Variants in OXR1 observed in about 807,000 individuals in gnomAD.
The protein encoded by OXR1 is oxidation resistance 1.
A neutral mutation model predicts 104.6 loss-of-function variants in OXR1; 41 were observed. That is an observed-to-expected ratio of 0.39 (90% CI 0.31 to 0.51). The LOEUF is 0.51. Among genes scored for constraint, OXR1 ranks in the 20% least tolerant of loss-of-function variants. The pLI, the probability that OXR1 is intolerant of heterozygous loss-of-function variation, is 0.77. For missense variants in OXR1, 955 were observed against 1,031.9 expected (o/e 0.93, Z 1.02); for synonymous variants, 348 against 348.4 (o/e 1.00, Z 0.01).
At chr8:106,540,347 G>C (rs1425658757) in intron 3 of OXR1, among the ~76,000 whole-genome samples, 1 of 152,004 alleles carries the variant, frequency 6.6e-6, no homozygotes, top group Admixed American at 6.6e-5. Context: ...ATGTTAAAAA[G>C]GACTATATGA....
chr8:106,285,562 G>T (rs1213029765), intron 1 of OXR1, among the ~76,000 whole-genome samples: 8 of 151,934 alleles, frequency 5.3e-5, no homozygotes, highest in Non-Finnish European at 1.2e-4. Context: ...GTGAAGCAAA[G>T]ACAGCTTGTG....
chr8:106,356,446 G>A (rs953947252), intron 1 of OXR1, among the ~76,000 whole-genome samples: 1 of 152,110 alleles, frequency 6.6e-6, no homozygotes, highest in Non-Finnish European at 1.5e-5. Context: ...ATACTAAATT[G>A]TACCATGTAC....
intron 3 of OXR1, among the ~76,000 whole-genome samples, chr8:106,677,525 T>C (rs1219861302): frequency 6.6e-6 from 1 of 152,142 alleles, no homozygotes; most frequent in Non-Finnish European, 1.5e-5. Context: ...TTTGAGTTTT[T>C]ACCAACCCGA....
intron 11 of OXR1, among the ~76,000 whole-genome samples, chr8:106,734,600 A>G (rs1471346867): frequency 6.6e-6 from 1 of 152,182 alleles, no homozygotes; most frequent in Non-Finnish European, 1.5e-5. Context: ...ATTGTTCTTT[A>G]TATCTAAGAG....
chr8:106,689,354 A>C (rs1267928057), intron 6 of OXR1, among the ~76,000 whole-genome samples: 1 of 152,082 alleles, frequency 6.6e-6, no homozygotes, highest in African/African-American at 2.4e-5. Context: ...TAAGGAAAAC[A>C]GTCAGATTAA....
chr8:106,525,772 A>C (rs1032254697), intron 3 of OXR1, among the ~76,000 whole-genome samples: 1 of 152,200 alleles, frequency 6.6e-6, no homozygotes, highest in Non-Finnish European at 1.5e-5. Context: ...GGGAATTGAC[A>C]GTCTATTTGT....
At chr8:106,525,321 G>T (rs1459212389) in intron 3 of OXR1, among the ~76,000 whole-genome samples, 1 of 152,172 alleles carries the variant, frequency 6.6e-6, no homozygotes, top group Non-Finnish European at 1.5e-5. Context: ...GTCCAGAGAG[G>T]TTAGGAGATT....
chr8:106,559,598 C>A (rs574834733), intron 3 of OXR1, among the ~76,000 whole-genome samples: 1 of 152,234 alleles, frequency 6.6e-6, no homozygotes, highest in Non-Finnish European at 1.5e-5. Flanking sequence ...GACTATAAGA[C>A]AAATTTATTT....
At chr8:106,313,565 C>G (rs970785274) in intron 1 of OXR1, among the ~76,000 whole-genome samples, 3 of 152,062 alleles carry the variant, frequency 2.0e-5, no homozygotes, top group African/African-American at 7.3e-5. Context: ...TTAATAAGCA[C>G]AGCAATTCAT....
At chr8:106,331,606 G>C (rs1318048764) in intron 1 of OXR1, among the ~76,000 whole-genome samples, 1 of 152,034 alleles carries the variant, frequency 6.6e-6, no homozygotes, top group Non-Finnish European at 1.5e-5. Context: ...TTTATTCTTT[G>C]TAATGGTAAA....
chr8:106,322,017 A>G (rs1814242486), intron 1 of OXR1, among the ~76,000 whole-genome samples: 1 of 152,220 alleles, frequency 6.6e-6, no homozygotes, highest in Non-Finnish European at 1.5e-5. Context: ...ATGCAGAGGA[A>G]AAAACTAAAG....
intron 3 of OXR1, among the ~76,000 whole-genome samples, chr8:106,622,278 A>G (rs2130850424): frequency 6.6e-6 from 1 of 152,150 alleles, no homozygotes; most frequent in African/African-American, 2.4e-5. Flanking sequence ...GCACTGTGCA[A>G]GAGACTCCCA....
intron 11 of OXR1, among the ~76,000 whole-genome samples, chr8:106,721,778 T>C (rs148484477): frequency 5.9e-5 from 9 of 152,342 alleles, no homozygotes; most frequent in African/African-American, 1.7e-4. Flanking sequence ...CTTTCCATTT[T>C]GACTTTAGTA....
chr8:106,528,098 C>A (rs367953046), intron 3 of OXR1, among the ~76,000 whole-genome samples: 2 of 151,672 alleles, frequency 1.3e-5, no homozygotes, highest in African/African-American at 4.8e-5. Context: ...CCTCTTTTGT[C>A]CCCTCCCTCT....
rs1812385244 is a variant in OXR1, at chr8:106,283,837, A to G, written c.-139+13470A>G. 2.0e-5 allele frequency among the ~76,000 whole-genome samples: 3 copies of G among 152,096 alleles called. No homozygotes were observed. The South Asian group carries it at 6.2e-4, about 32-fold the overall frequency. On this transcript the variant is annotated intron_variant, in intron 1 of 16. Transcript: ENST00000517566. ...TAACTCAGGTCAGTGAAACCTCACA[A>G]TTATTTAGGAATTTCCTGAAGTTAC...
chr8:106,497,348 A>G (rs1811482774), intron 2 of OXR1, among the ~76,000 whole-genome samples: 2 of 152,318 alleles, frequency 1.3e-5, no homozygotes, highest in South Asian at 4.1e-4. Context: ...AGTCGTTGGT[A>G]GTTAGTCACT....
At chr8:106,327,349 G>A (rs888370536) in intron 1 of OXR1, among the ~76,000 whole-genome samples, 1 of 152,100 alleles carries the variant, frequency 6.6e-6, no homozygotes, top group Non-Finnish European at 1.5e-5. Flanking sequence ...CTAATTTCAT[G>A]CTTTTAAATG....
intron 2 of OXR1, among the ~76,000 whole-genome samples, chr8:106,512,193 C>G (rs2130048766): frequency 6.6e-6 from 1 of 152,176 alleles, no homozygotes; most frequent in South Asian, 2.1e-4. Context: ...GCCCAATTGC[C>G]CAAGGTCACA....
At chr8:106,510,095 A>C (rs1020673758) in intron 2 of OXR1, among the ~76,000 whole-genome samples, 2 of 152,166 alleles carry the variant, frequency 1.3e-5, no homozygotes, top group Admixed American at 1.3e-4. Flanking sequence ...TTATAATGGG[A>C]TAGGGAGGAG....
Sources: allele counts gnomAD v4.1 joint callset (sites outside exome capture counted in the v4.1 genomes callset), GRCh38; gene constraint gnomAD v4.1.1; transcripts MANE v1.5; gene names NCBI Gene and HGNC (gene_info 2026-07-23, HGNC 2026-07-21).